SRD5A3: variants seen among roughly 807,000 people sequenced by gnomAD.
SRD5A3 encodes steroid 5 alpha-reductase 3, also known as polyprenal reductase.
Under a neutral mutation model 34.3 loss-of-function variants are expected in SRD5A3, and 24 were observed. That is an observed-to-expected ratio of 0.70 (90% CI 0.51 to 0.99). The LOEUF (loss-of-function observed/expected upper bound fraction) is 0.99, where lower values mean the gene tolerates loss of function less well. Among genes scored for constraint, SRD5A3 ranks in the 50% least tolerant of loss-of-function variants. The pLI, the probability that SRD5A3 is intolerant of heterozygous loss-of-function variation, is 0.00. For missense variants in SRD5A3, 350 were observed against 388.2 expected (o/e 0.90, Z 0.83); for synonymous variants, 161 against 167.3 (o/e 0.96, Z 0.29).
intron 3 of SRD5A3, among the ~76,000 whole-genome samples, chr4:55,365,874 G>A (rs1719876648): frequency 6.6e-6 from 1 of 152,224 alleles, no homozygotes; most frequent in Non-Finnish European, 1.5e-5. Context: ...ATGGGCTCCA[G>A]AGTCTTGATG....
Position 55,364,247 on chromosome 4 carries a change from CA to C in SRD5A3, c.540del (p.Val181CysfsTer10). On this transcript the variant is annotated frameshift_variant, in exon 3 of 5. Transcript: ENST00000264228. LOFTEE classifies it high-confidence loss of function. ...YVLVGLTVLSQVPMDGRNAYI... is the reference protein window; with the variant it reads ...YVLVGLTVLSXVPMDGRNAYI... Reference sequence around the variant, plus strand: ...CCTTGTTGGCCTAACTGTGCTGAGCCAAGTGCCAATGGATGGCAGGAATGGT... The same window carrying C: ...CCTTGTTGGCCTAACTGTGCTGAGCCAGTGCCAATGGATGGCAGGAATGGT... 6.2e-7 allele frequency: 1 copy of C among 1,614,090 alleles called. No homozygotes were observed. The highest frequency in any genetic ancestry group is 8.5e-7 in the Non-Finnish European group (1 of 1,180,030).
At chr4:55,365,410 C>T (rs75762222) in intron 3 of SRD5A3, among the ~76,000 whole-genome samples, 4,795 of 152,286 alleles carry the variant, frequency 0.031, 245 homozygotes, top group African/African-American at 0.11. Flanking sequence ...TATTGATTGG[C>T]TCCAGCCACT....
At position 55,346,254 on chromosome 4, in the gene SRD5A3, G is replaced by C; in HGVS notation, c.-83G>C. On this transcript the variant is annotated 5_prime_UTR_variant, in exon 1 of 5. Transcript: ENST00000264228. ...CCGACGTCCCGCTAGGCTGAGACCG[G>C]TGCGCCGCGCGCTAGTGGCCGCTCT... 8.5e-7 allele frequency: 1 copy of C among 1,181,544 alleles called. No individual in the cohort carries two copies. The highest frequency in any genetic ancestry group is 2.0e-5 in the South Asian group (1 of 49,374). The allele number at this position is 1,181,544 out of a possible 1,614,324, so 73.2% of individuals were successfully genotyped here.
chr4:55,369,898 A>G lies in SRD5A3; in HGVS notation c.764A>G (p.Asn255Ser). Residue 255 changes from asparagine (N) to serine (S), a missense_variant, in exon 5 of 5, where the codon AAC becomes AGC. This residue lies in a region of SRD5A3 where 186 missense variants were observed against 221.4 expected (regional missense o/e 0.84). Coordinates refer to ENST00000264228, the MANE Select transcript of SRD5A3 (RefSeq NM_024592.5). Reference sequence around the variant, plus strand: ...TGGTTTGAATATGTTTCTTCCCCTAACTACTTAGCAGAGCTGATGATCTAC... The same window carrying G: ...TGGTTTGAATATGTTTCTTCCCCTAGCTACTTAGCAGAGCTGATGATCTAC... ...GDWFEYVSSP[N>S]YLAELMIYVS... 1 of 1,614,116 alleles carries G rather than the reference A, an allele frequency of 6.2e-7. No individual in the cohort carries two copies. The highest frequency in any genetic ancestry group is 2.2e-5 in the East Asian group (1 of 44,884).
chr4:55,369,730 C>CA (rs3034884), intron 4 of SRD5A3, 102 bp from the exon 5 acceptor site: 68,635 of 1,259,090 alleles, frequency 0.055, no homozygotes, highest in East Asian at 0.07. Context: ...GACTTTGCCT[C>CA]AAAAAAAAAA....
At chr4:55,362,511 G>A (rs754133071) in intron 2 of SRD5A3, among the ~76,000 whole-genome samples, 3 of 151,916 alleles carry the variant, frequency 2.0e-5, no homozygotes, top group Non-Finnish European at 2.9e-5. Flanking sequence ...CTGGAGTGCC[G>A]TGGCATGATC....
intron 2 of SRD5A3, among the ~76,000 whole-genome samples, chr4:55,361,646 T>C (rs1262771512): frequency 6.6e-6 from 1 of 151,822 alleles, no homozygotes; most frequent in East Asian, 1.9e-4. Context: ...CTACTAAAAA[T>C]ACAAAAAATT....
At chr4:55,349,405 C>A (rs1719107792) in intron 1 of SRD5A3, among the ~76,000 whole-genome samples, 1 of 152,130 alleles carries the variant, frequency 6.6e-6, no homozygotes, top group South Asian at 2.1e-4. Context: ...AGTTGTAAAT[C>A]CCATTTCTGC....
intron 1 of SRD5A3, among the ~76,000 whole-genome samples, chr4:55,351,086 T>C (rs979092972): frequency 2.7e-5 from 4 of 149,288 alleles, no homozygotes; most frequent in Admixed American, 1.3e-4. Flanking sequence ...TTTTTTTTTT[T>C]CTTGAGACAG....
intron 1 of SRD5A3, chr4:55,351,802 C>G (rs1160691195): frequency 1.6e-5 from 8 of 498,890 alleles, no homozygotes; most frequent in Non-Finnish European, 2.8e-5. Flanking sequence ...GGAACTGTGT[C>G]TTATGAGAAT....
At chr4:55,352,004 G>T (rs1250901826) in intron 1 of SRD5A3, 1 of 764,060 alleles carries the variant, frequency 1.3e-6, no homozygotes, top group East Asian at 2.5e-5. Flanking sequence ...TCCTTTGTGT[G>T]TACATGGTAA....
At chr4:55,352,089 T>C (rs773712790) in intron 1 of SRD5A3, 84 of 778,520 alleles carry the variant, frequency 1.1e-4, no homozygotes, top group Non-Finnish European at 1.5e-4. Context: ...ATTTCAGGCA[T>C]TACACAATCA....
At chr4:55,363,785 C>T (rs1162670544) in intron 2 of SRD5A3, among the ~76,000 whole-genome samples, 2 of 152,198 alleles carry the variant, frequency 1.3e-5, no homozygotes, top group African/African-American at 4.8e-5. Context: ...AACCCACAGA[C>T]CTCTTCACAG....
intron 1 of SRD5A3, among the ~76,000 whole-genome samples, chr4:55,356,525 C>T: frequency 6.6e-6 from 1 of 151,864 alleles, no homozygotes; most frequent in Admixed American, 6.6e-5. Flanking sequence ...CGCTTTGTCA[C>T]CCAGGCTGGA....
chr4:55,357,545 A>T (rs937250176), intron 1 of SRD5A3, among the ~76,000 whole-genome samples: 1 of 151,800 alleles, frequency 6.6e-6, no homozygotes, highest in Non-Finnish European at 1.5e-5. Context: ...ATTGGCCTTG[A>T]TGCATGAACT....
rs1719947476 is a variant in SRD5A3 at position 55,367,526 on chromosome 4, T to C, written c.563-62T>C. On this transcript the variant is annotated intron_variant, in intron 3 of 4. Coordinates refer to ENST00000264228, the MANE Select transcript of SRD5A3 (RefSeq NM_024592.5). Reference sequence around the variant, plus strand: ...ATTGTGTTTCTGCTGACTAAATGATTTGTTTAATTCCCTGAGCCTGTGAAA... The same window carrying C: ...ATTGTGTTTCTGCTGACTAAATGATCTGTTTAATTCCCTGAGCCTGTGAAA... The C allele has an allele frequency of 2.5e-6, 4 of 1,586,980 alleles. No homozygotes were observed. The East Asian group carries it at 8.9e-5, about 35-fold the overall frequency.
At chr4:55,364,715 C>CA (rs1028926529) in intron 3 of SRD5A3, 66 of 174,334 alleles carry the variant, frequency 3.8e-4, no homozygotes, top group Middle Eastern at 2.9e-3. Context: ...GACTCCATCT[C>CA]AAAAAAAAAG....
chr4:55,349,306 G>T (rs894540778), intron 1 of SRD5A3, among the ~76,000 whole-genome samples: 1 of 152,252 alleles, frequency 6.6e-6, no homozygotes, highest in Non-Finnish European at 1.5e-5. Context: ...AAAATGCTGG[G>T]ATTACAGGCA....
At chr4:55,361,812 G>C (rs939402218) in intron 2 of SRD5A3, among the ~76,000 whole-genome samples, 1 of 151,830 alleles carries the variant, frequency 6.6e-6, no homozygotes, top group Non-Finnish European at 1.5e-5. Context: ...TAAAAAAAAA[G>C]AGCAAACCCG....
Sources: allele counts gnomAD v4.1 joint callset (sites outside exome capture counted in the v4.1 genomes callset), GRCh38; gene constraint gnomAD v4.1.1; regional missense constraint gnomAD v4.1.1; transcripts MANE v1.5; gene names NCBI Gene and HGNC (gene_info 2026-07-23, HGNC 2026-07-21).